The following STAT5B variants were observed in gnomAD, a reference collection of about 807,000 sequenced individuals.
STAT5B encodes the protein signal transducer and activator of transcription 5B.
A neutral mutation model predicts 107.8 loss-of-function variants in STAT5B; 21 were observed. The ratio of observed to expected loss-of-function variants is 0.19; its 90% CI spans 0.14 to 0.28. The LOEUF (loss-of-function observed/expected upper bound fraction) is 0.28, where lower values mean the gene tolerates loss of function less well. STAT5B is among the 10% of genes least tolerant of loss of function. The pLI, the probability that STAT5B is intolerant of heterozygous loss-of-function variation, is 1.00. For missense variants in STAT5B, 565 were observed against 1,008.2 expected, an observed-to-expected ratio of 0.56 and a Z score of 5.95; for synonymous variants, 325 against 401.7, an observed-to-expected ratio of 0.81 and a Z score of 2.28.
chr17:42,233,012 T>C (rs967437157), intron 1 of STAT5B, among the ~76,000 whole-genome samples: 1 of 151,866 alleles, frequency 6.6e-6, no homozygotes, highest in African/African-American at 2.4e-5. Flanking sequence ...CAGCTAATTT[T>C]TGTATTTTCA....
rs148762012 is a variant in STAT5B at position 42,215,711 on chromosome 17, C to T, written c.1473+303G>A. 2.9e-3 allele frequency among the ~76,000 whole-genome samples: 448 copies of T among 152,150 alleles called. 4 individuals carry two copies. Among genetic ancestry groups the T allele is most frequent in the Middle Eastern group, 0.01 (3 of 294 alleles). On this transcript the variant is annotated intron_variant, in intron 12 of 18. Transcript: ENST00000293328. ...TCGGCTCACTGCAACCTCTGCCGCTCGGGTTCAAGTGATTGTCGTGCCTCA... is the reference window on the plus strand; with the variant it reads ...TCGGCTCACTGCAACCTCTGCCGCTTGGGTTCAAGTGATTGTCGTGCCTCA...
At chr17:42,221,054 CCT>C (rs2080222032) in intron 5 of STAT5B, among the ~76,000 whole-genome samples, 2 of 152,212 alleles carry the variant, frequency 1.3e-5, no homozygotes, top group Non-Finnish European at 1.5e-5. Context: ...CTGGCTGGCC[CCT>C]GAGGGCCACG....
Position 42,267,594 on chromosome 17 carries a change from T to C in STAT5B, c.-11+8654A>G, listed in dbSNP as rs115728272. Among the ~76,000 whole-genome samples the C allele has an allele frequency of 3.8e-3, 584 of 152,066 alleles. 5 individuals are homozygous for C. The highest frequency in any genetic ancestry group is 0.014 in the African/African-American group (561 of 41,498). Reference sequence around the variant, plus strand: ...TAAAAGAATAAAAACATAAAGAAAATATTGTTGCACAGCTGTACATGTTTA... The same window carrying C: ...TAAAAGAATAAAAACATAAAGAAAACATTGTTGCACAGCTGTACATGTTTA... On this transcript the variant is annotated intron_variant, in intron 1 of 18. Transcript: ENST00000293328.
intron 16 of STAT5B, among the ~76,000 whole-genome samples, chr17:42,206,878 CT>C (rs78288666): frequency 0.17 from 22,288 of 132,370 alleles, 1,866 homozygotes; most frequent in East Asian, 0.45. Context: ...CCCGACCTTC[CT>C]TTTTTTTTTT....
chr17:42,242,993 G>C (rs556976024), intron 1 of STAT5B, among the ~76,000 whole-genome samples: 1 of 127,828 alleles, frequency 7.8e-6, no homozygotes, highest in Non-Finnish European at 1.6e-5. Context: ...ACTGCGGAAG[G>C]CCACAGGGTC....
chr17:42,254,564 C>G (rs1016956250), intron 1 of STAT5B, among the ~76,000 whole-genome samples: 3 of 151,706 alleles, frequency 2.0e-5, no homozygotes, highest in Non-Finnish European at 4.4e-5. Context: ...CATTTTGGTT[C>G]TCTTACTCTC....
intron 1 of STAT5B, among the ~76,000 whole-genome samples, chr17:42,264,224 TAC>T: frequency 6.6e-6 from 1 of 152,198 alleles, no homozygotes; most frequent in South Asian, 2.1e-4. Flanking sequence ...TTTATTATTA[TAC>T]TTTAAGTTTT....
intron 5 of STAT5B, among the ~76,000 whole-genome samples, chr17:42,222,819 T>A (rs184651424): frequency 6.6e-6 from 1 of 151,944 alleles, no homozygotes; most frequent in African/African-American, 2.4e-5. Flanking sequence ...GTAGCTGGGA[T>A]TACATGCATG....
chr17:42,276,816 T>G (rs544125682), upstream of STAT5B: 11 of 152,304 alleles, frequency 7.2e-5, no homozygotes, highest in African/African-American at 2.6e-4. This position sits in a 1 kb window ranked among gnomAD's most constrained non-coding sequence, Gnocchi z 4.8. Context: ...AGGCCCGCGT[T>G]CCGGGTCCTC....
chr17:42,244,092 C>CT (rs201312693), intron 1 of STAT5B, among the ~76,000 whole-genome samples: 256 of 140,744 alleles, frequency 1.8e-3, no homozygotes, highest in East Asian at 0.013. Flanking sequence ...CTTTTCTTTT[C>CT]TTTTTTTTTT....
chr17:42,238,498 A>G (rs918583466), intron 1 of STAT5B, among the ~76,000 whole-genome samples: 4 of 135,036 alleles, frequency 3.0e-5, no homozygotes, highest in African/African-American at 1.1e-4. Flanking sequence ...TCTGTCACCC[A>G]GGCTGGAGTG....
chr17:42,251,998 C>CAAAAAAAAAAAAA (rs78151719), intron 1 of STAT5B, among the ~76,000 whole-genome samples: 1 of 69,414 alleles, frequency 1.4e-5, no homozygotes. Flanking sequence ...GGCTCCGTCT[C>CAAAAAAAAAAAAA]AAAAAAAAAA....
intron 1 of STAT5B, among the ~76,000 whole-genome samples, chr17:42,258,335 A>T (rs1391216372): frequency 6.6e-6 from 1 of 152,232 alleles, no homozygotes; most frequent in African/African-American, 2.4e-5. Flanking sequence ...GAAACACAGA[A>T]GTTCTAGCCA....
intron 1 of STAT5B, among the ~76,000 whole-genome samples, chr17:42,262,970 GTATA>G (rs869160306): frequency 0.023 from 478 of 20,736 alleles, 4 homozygotes; most frequent in African/African-American, 0.029. Context: ...GTGTGTGTGT[GTATA>G]TATATATATA....
intron 1 of STAT5B, among the ~76,000 whole-genome samples, chr17:42,256,675 T>C (rs774585614): frequency 4.6e-5 from 7 of 151,712 alleles, no homozygotes; most frequent in Non-Finnish European, 7.4e-5. Flanking sequence ...CTGGCTAACA[T>C]GGTGAAACCC....
intron 1 of STAT5B, among the ~76,000 whole-genome samples, chr17:42,243,344 G>A (rs2080421735): frequency 1.3e-5 from 2 of 152,198 alleles, no homozygotes; most frequent in South Asian, 4.1e-4. Flanking sequence ...GCAACTGAGT[G>A]AGACTCTGTC....
Position 42,212,063 on chromosome 17 carries a change from G to A in STAT5B, c.1601C>T (p.Ala534Val). Residue 534 changes from alanine (A) to valine (V), a missense_variant, in exon 13 of 19, where the codon GCG becomes GTG. Around this residue, in one of 11 missense-constraint regions of STAT5B, gnomAD observed 127 missense variants for 215.8 expected, o/e 0.59. Transcript: ENST00000293328. ...GLTKENLVFL[A>V]QKLFNNSSSH... ...GCTGCTGTTGTTGAACAGTTTCTGC[G>A]CCAGGAACACGAGGTTCTCCTTGGT... 1.2e-6 allele frequency: 2 copies of A among 1,614,068 alleles called. No individual in the cohort carries two copies. The highest frequency in any genetic ancestry group is 1.7e-6 in the Non-Finnish European group (2 of 1,179,980).
At chr17:42,287,336 C>CG in the STAT5B span, among the ~76,000 whole-genome samples, 4 of 150,746 alleles carry the variant, frequency 2.7e-5, no homozygotes, top group African/African-American at 7.5e-5. Flanking sequence ...ATGCACCCCC[C>CG]CCAACAGAAC....
intron 12 of STAT5B, among the ~76,000 whole-genome samples, chr17:42,213,679 C>G (rs2080147468): frequency 6.6e-6 from 1 of 151,706 alleles, no homozygotes; most frequent in Non-Finnish European, 1.5e-5. Context: ...AGGCACGCAC[C>G]ACCACGCCCA....
Sources: allele counts gnomAD v4.1 joint callset (sites outside exome capture counted in the v4.1 genomes callset), GRCh38; gene constraint gnomAD v4.1.1; regional missense constraint gnomAD v4.1.1; non-coding constraint Gnocchi (gnomAD v3.1); transcripts MANE v1.5; gene names NCBI Gene and HGNC (gene_info 2026-07-23, HGNC 2026-07-21).